Variants in CALCR observed in about 807,000 individuals in gnomAD.
The protein encoded by CALCR is calcitonin receptor.
In CALCR, 47 loss-of-function variants were observed where a neutral mutation model predicts 59.5. The observed-to-expected ratio is 0.79, with a 90% CI of 0.63 to 1.01. The LOEUF is 1.01. Among genes scored for constraint, CALCR ranks in the 50% least tolerant of loss-of-function variants. The pLI is 0.00. For synonymous variants in CALCR, 213 were observed against 211.3 expected (o/e 1.01, Z -0.07); for missense variants, 566 against 597.1 (o/e 0.95, Z 0.54).
At chr7:93,476,422 T>A (rs1800667343) in intron 5 of CALCR, among the ~76,000 whole-genome samples, 1 of 151,786 alleles carries the variant, frequency 6.6e-6, no homozygotes, top group Admixed American at 6.6e-5. Flanking sequence ...GAATTTAAGT[T>A]TGGTATGTGT....
intron 8 of CALCR, among the ~76,000 whole-genome samples, chr7:93,444,687 C>A (rs753359469): frequency 1.4e-4 from 21 of 152,004 alleles, no homozygotes; most frequent in Non-Finnish European, 2.6e-4. Context: ...GTTGAGGATG[C>A]GTGACTGAGG....
In CALCR at chr7:93,472,470, A is replaced by G; in HGVS notation, c.334T>C (p.Cys112Arg). The G allele has an allele frequency of 6.2e-7, 1 of 1,601,130 alleles. No homozygotes were observed. Among genetic ancestry groups the G allele is most frequent in the Non-Finnish European group, 8.6e-7 (1 of 1,169,258 alleles). ...FDPSEKVTKY[C>R]DEKGVWFKHP... ...TTAAACCAAACACCTTTTTCATCAC[A>G]GTATTTTGTAACCTTTTCTGTTAAT... The change falls in exon 6 of 14, where the codon TGT (cysteine) becomes CGT (arginine). Residue 112 changes from cysteine to arginine, a missense_variant. Physicochemically the swap from Cys to Arg is radical, Grantham distance 180. Transcript: ENST00000426151.
chr7:93,570,775 T>C (rs1789984751), intron 2 of CALCR, among the ~76,000 whole-genome samples: 1 of 152,136 alleles, frequency 6.6e-6, no homozygotes, highest in Non-Finnish European at 1.5e-5. Flanking sequence ...TGCCAACTTG[T>C]ATTAGGGACA....
At chr7:93,507,239 C>T (rs1429437253) in intron 2 of CALCR, among the ~76,000 whole-genome samples, 2 of 152,024 alleles carry the variant, frequency 1.3e-5, no homozygotes, top group Non-Finnish European at 2.9e-5. Flanking sequence ...TGAACACACA[C>T]ACACACACAC....
At chr7:93,434,389 G>GAAA (rs200558502) in intron 12 of CALCR, 95 bp from the exon 13 acceptor site, 5,241 of 508,740 alleles carry the variant, frequency 0.01, 15 homozygotes, top group East Asian at 0.022. Context: ...AAGGCCTGAT[G>GAAA]AAAAAAAAAA....
chr7:93,507,610 T>TAA (rs879906850), intron 2 of CALCR, among the ~76,000 whole-genome samples: 1 of 141,948 alleles, frequency 7.0e-6, no homozygotes, highest in Non-Finnish European at 1.5e-5. Context: ...AAGTCTGCAT[T>TAA]AAAAAAAAAA....
At chr7:93,478,988 T>C (rs1361069666) in intron 4 of CALCR, among the ~76,000 whole-genome samples, 2 of 151,760 alleles carry the variant, frequency 1.3e-5, no homozygotes, top group African/African-American at 2.4e-5. Flanking sequence ...CCAAGCAAGA[T>C]AGGGTTTGAT....
chr7:93,562,279 C>T (rs1172354827), intron 2 of CALCR, among the ~76,000 whole-genome samples: 1 of 151,962 alleles, frequency 6.6e-6, no homozygotes, highest in Non-Finnish European at 1.5e-5. Flanking sequence ...TGAGGTAATG[C>T]ATGTTTGTAC....
intron 3 of CALCR, among the ~76,000 whole-genome samples, chr7:93,484,531 T>A (rs907513568): frequency 2.0e-5 from 3 of 151,924 alleles, no homozygotes; most frequent in African/African-American, 7.2e-5. Context: ...ATAATGTATA[T>A]AATTATTTTT....
intron 2 of CALCR, among the ~76,000 whole-genome samples, chr7:93,491,684 A>G (rs907537669): frequency 1.3e-5 from 2 of 152,092 alleles, no homozygotes; most frequent in African/African-American, 2.4e-5. Flanking sequence ...AGAAATGTAA[A>G]TCAAAACCAC....
chr7:93,549,094 A>C (rs1789381426), intron 2 of CALCR, among the ~76,000 whole-genome samples: 2 of 152,158 alleles, frequency 1.3e-5, no homozygotes, highest in Admixed American at 1.3e-4. Flanking sequence ...CAGAATTTCT[A>C]ATTGTTACAT....
intron 2 of CALCR, among the ~76,000 whole-genome samples, chr7:93,554,791 ATT>A (rs1491357559): frequency 7.2e-6 from 1 of 138,386 alleles, no homozygotes; most frequent in Non-Finnish European, 1.5e-5. Context: ...ATATATATAT[ATT>A]ATACGTACAT....
intron 13 of CALCR, 30 bp downstream of exon 13, chr7:93,434,223 G>C (rs1015383678): frequency 1.3e-6 from 2 of 1,531,660 alleles, no homozygotes; most frequent in African/African-American, 2.7e-5. Context: ...ACACAAACAA[G>C]TGATAGTATT....
At chr7:93,488,954 A>C (rs191665764) in intron 2 of CALCR, among the ~76,000 whole-genome samples, 1 of 152,042 alleles carries the variant, frequency 6.6e-6, no homozygotes, top group African/African-American at 2.4e-5. Context: ...AAATCAACAG[A>C]ATATACATTC....
intron 7 of CALCR, among the ~76,000 whole-genome samples, chr7:93,467,154 G>C (rs1056346057): frequency 6.6e-6 from 1 of 151,686 alleles, no homozygotes; most frequent in African/African-American, 2.4e-5. Context: ...CCATAATGAA[G>C]TGCAATTGAA....
chr7:93,440,905 C>A (rs536692184), intron 9 of CALCR, among the ~76,000 whole-genome samples: 23 of 152,232 alleles, frequency 1.5e-4, no homozygotes, highest in Admixed American at 4.6e-4. Context: ...TGGGATTCTA[C>A]TTGAATCATT....
At chr7:93,443,562 GA>G in intron 9 of CALCR, 41 bp downstream of exon 9, 2 of 1,583,416 alleles carry the variant, frequency 1.3e-6, no homozygotes, top group Non-Finnish European at 1.7e-6. Flanking sequence ...CATACAGACA[GA>G]GGTGAAAGTG....
intron 2 of CALCR, among the ~76,000 whole-genome samples, chr7:93,507,482 G>A (rs1038800123): frequency 2.0e-5 from 3 of 151,880 alleles, no homozygotes; most frequent in Non-Finnish European, 4.4e-5. Flanking sequence ...TAGGGTTTTC[G>A]AGACAGCCTA....
chr7:93,567,658 G>C (rs569222996), intron 2 of CALCR, among the ~76,000 whole-genome samples: 2 of 151,912 alleles, frequency 1.3e-5, no homozygotes, highest in African/African-American at 4.8e-5. Flanking sequence ...TCATCAACTC[G>C]TCATTTACAT....
Sources: allele counts gnomAD v4.1 joint callset (sites outside exome capture counted in the v4.1 genomes callset), GRCh38; gene constraint gnomAD v4.1.1; transcripts MANE v1.5; gene names NCBI Gene and HGNC (gene_info 2026-07-23, HGNC 2026-07-21).